LYPD1: variants seen among roughly 807,000 people sequenced by gnomAD.
LYPD1 encodes ly6/PLAUR domain-containing protein 1.
In LYPD1, 14 loss-of-function variants were observed where a neutral mutation model predicts 14.2. That is an observed-to-expected ratio of 0.99 (90% confidence interval 0.65 to 1.54). LYPD1 has a LOEUF of 1.54. Ranked by LOEUF, LYPD1 falls within the 40% of genes most tolerant of loss-of-function variation. LYPD1 has a pLI of 0.00. For missense variants in LYPD1, 165 were observed against 175.7 expected, an observed-to-expected ratio of 0.94 and a Z score of 0.34; for synonymous variants, 85 against 70.6, an observed-to-expected ratio of 1.20 and a Z score of -1.02.
upstream of LYPD1, chr2:132,671,259 T>G (rs1468763470): frequency 2.0e-5 from 3 of 152,468 alleles, no homozygotes; most frequent in Admixed American, 6.5e-5. Context: ...GGAGACCGCT[T>G]GCCCGCCGGA....
At chr2:132,649,096 T>A (rs753837083) in intron 2 of LYPD1, among the ~76,000 whole-genome samples, 2 of 152,130 alleles carry the variant, frequency 1.3e-5, no homozygotes, top group Non-Finnish European at 2.9e-5. Context: ...CTGGCTGGTG[T>A]CAGGGTATGG....
intron 2 of LYPD1, among the ~76,000 whole-genome samples, chr2:132,647,453 C>T (rs1030078364): frequency 3.3e-5 from 5 of 152,078 alleles, no homozygotes; most frequent in Admixed American, 6.5e-5. Flanking sequence ...TTTTTTGAGA[C>T]GGAGTCTTGC....
rs1683009775 is a variant in LYPD1, at chr2:132,662,497, G to A, written c.190+5903C>T. Reference sequence around the variant, plus strand: ...TAAAAAATAGGGGTTGAAGTGTTGAGTCCTTTTGCACAGTGTGCTAATAAA... The same window carrying A: ...TAAAAAATAGGGGTTGAAGTGTTGAATCCTTTTGCACAGTGTGCTAATAAA... On this transcript the variant is annotated intron_variant, in intron 2 of 2. Coordinates refer to ENST00000397463, the MANE Select transcript of LYPD1 (RefSeq NM_144586.7). Among the ~76,000 whole-genome samples, 4 of 145,354 alleles carry A rather than the reference G, an allele frequency of 2.8e-5. No homozygotes were observed. The South Asian group carries it at 8.7e-4, about 31-fold the overall frequency.
intron 2 of LYPD1, among the ~76,000 whole-genome samples, chr2:132,657,404 C>G (rs80132934): frequency 0.049 from 7,424 of 152,194 alleles, 556 homozygotes; most frequent in African/African-American, 0.16. Context: ...TGAAGCTGTG[C>G]TGTTGCATTT....
intron 2 of LYPD1, among the ~76,000 whole-genome samples, chr2:132,664,034 C>A (rs1286855061): frequency 2.0e-5 from 3 of 151,906 alleles, no homozygotes; most frequent in Admixed American, 1.3e-4. Flanking sequence ...TCCACACACA[C>A]AAATATATGA....
At chr2:132,666,410 C>T (rs900172591) in intron 2 of LYPD1, among the ~76,000 whole-genome samples, 5 of 152,178 alleles carry the variant, frequency 3.3e-5, no homozygotes, top group Non-Finnish European at 5.9e-5. Flanking sequence ...GACCTAGCAT[C>T]CTTCCCTTCA....
chr2:132,662,473 A>G lies in LYPD1; in HGVS notation c.190+5927T>C, dbSNP rs777549185. Reference sequence around the variant, plus strand: ...CCAATACACTTTCCATTGGACAAGTAAAAAATAGGGGTTGAAGTGTTGAGT... The same window carrying G: ...CCAATACACTTTCCATTGGACAAGTGAAAAATAGGGGTTGAAGTGTTGAGT... On this transcript the variant is annotated intron_variant, in intron 2 of 2. Transcript: ENST00000397463. Among the ~76,000 whole-genome samples, 110 of 152,244 alleles carry G rather than the reference A, an allele frequency of 7.2e-4. 1 individual carries two copies. The South Asian group carries it at 7.7e-3, about 11-fold the overall frequency.
chr2:132,667,544 C>A (rs931457922), intron 2 of LYPD1, among the ~76,000 whole-genome samples: 2 of 152,218 alleles, frequency 1.3e-5, no homozygotes, highest in African/African-American at 4.8e-5. Flanking sequence ...TTGGTTCATT[C>A]ACTATCAGCC....
chr2:132,654,571 T>A (rs1026555705), intron 2 of LYPD1, among the ~76,000 whole-genome samples: 2 of 152,154 alleles, frequency 1.3e-5, no homozygotes, highest in Non-Finnish European at 2.9e-5. Context: ...CCATCTGTGC[T>A]ATTAACTGCT....
rs1175152326 is a variant in LYPD1, at chr2:132,643,422, G to T, written c.*2623C>A. On this transcript the variant is annotated 3_prime_UTR_variant, in exon 3 of 3. Coordinates refer to ENST00000397463, the MANE Select transcript of LYPD1 (RefSeq NM_144586.7). The stretch of plus-strand genomic sequence containing the variant: ...TTGTGGAGGATTTGAACACAGCTAG[G>T]GTCCCCTCCAACAGCAGGCAAGGAA... Among the ~76,000 whole-genome samples, 3 of 152,146 alleles carry T rather than the reference G, an allele frequency of 2.0e-5. No homozygotes were observed. The highest frequency in any genetic ancestry group is 7.2e-5 in the African/African-American group (3 of 41,432).
intron 2 of LYPD1, among the ~76,000 whole-genome samples, chr2:132,661,941 G>GAA (rs72146038): frequency 0.018 from 2,525 of 142,372 alleles, 32 homozygotes; most frequent in Middle Eastern, 0.03. Flanking sequence ...CACCACAGCG[G>GAA]AAAAAAAAAA....
upstream of LYPD1, chr2:132,670,257 T>G: frequency 1.2e-5 from 5 of 406,912 alleles, no homozygotes; most frequent in Non-Finnish European, 1.9e-5. The surrounding 1 kb of genome is among the most constrained non-coding windows in gnomAD (Gnocchi z 4.5). Context: ...TCTCCCCACC[T>G]CCCACTCCAG....
chr2:132,670,475 T>C (rs1006701210), upstream of LYPD1, among the ~76,000 whole-genome samples: 2 of 152,072 alleles, frequency 1.3e-5, no homozygotes, highest in African/African-American at 4.8e-5. This position sits in a 1 kb window ranked among gnomAD's most constrained non-coding sequence, Gnocchi z 4.5. Context: ...GCAGGTGCCG[T>C]GGGGACCTGC....
intron 2 of LYPD1, among the ~76,000 whole-genome samples, chr2:132,663,696 A>G (rs1183011314): frequency 6.6e-6 from 1 of 152,188 alleles, no homozygotes; most frequent in Non-Finnish European, 1.5e-5. Flanking sequence ...TTGATTCAAA[A>G]TGGGGTTAAC....
chr2:132,670,409 A>G (rs1683628370), upstream of LYPD1, among the ~76,000 whole-genome samples: 1 of 151,770 alleles, frequency 6.6e-6, no homozygotes, highest in Admixed American at 6.5e-5. This position sits in a 1 kb window ranked among gnomAD's most constrained non-coding sequence, Gnocchi z 4.5. Context: ...GGGGGGCGGG[A>G]GAGAACTGGT....
intron 2 of LYPD1, among the ~76,000 whole-genome samples, chr2:132,655,703 A>G (rs1465013164): frequency 6.6e-6 from 1 of 151,642 alleles, no homozygotes; most frequent in Non-Finnish European, 1.5e-5. Flanking sequence ...TTTAGTAGAG[A>G]TGGGGTTTCA....
rs753477887 is a variant in LYPD1, at chr2:132,645,278, C to T, written c.*767G>A. 15 of 1,614,212 alleles carry T rather than the reference C, an allele frequency of 9.3e-6. No homozygotes were observed. The highest frequency in any genetic ancestry group is 2.7e-5 in the African/African-American group (2 of 75,054). ...TCGGTCATCAACCCGCTCCTGTACA[C>T]GGTGTCCTCGCAGCAGTTTCGGCGG... On this transcript the variant is annotated 3_prime_UTR_variant, in exon 3 of 3. Transcript: ENST00000397463.
chr2:132,656,346 A>G (rs1288002344), intron 2 of LYPD1, among the ~76,000 whole-genome samples: 1 of 152,222 alleles, frequency 6.6e-6, no homozygotes, highest in Non-Finnish European at 1.5e-5. Context: ...CTACTGGAAA[A>G]ATAACTAACA....
rs184607068 is a variant in LYPD1, at chr2:132,670,010, C to T, written c.-78G>A. ...GCAGCGGAGGCTGCCCCGGCTGCAGCGGCTGTGGCTGCCGAGGCTGCTGGG... is the reference window on the plus strand; with the variant it reads ...GCAGCGGAGGCTGCCCCGGCTGCAGTGGCTGTGGCTGCCGAGGCTGCTGGG... On this transcript the variant is annotated 5_prime_UTR_variant, in exon 1 of 3. Coordinates refer to ENST00000397463, the MANE Select transcript of LYPD1 (RefSeq NM_144586.7). The surrounding 1 kb of genome is among the most constrained non-coding windows in gnomAD (Gnocchi z 4.5). The T allele has an allele frequency of 4.9e-3, 7,683 of 1,578,874 alleles. 338 individuals carry two copies. The African/African-American group carries it at 0.091, about 19-fold the overall frequency.
Sources: allele counts gnomAD v4.1 joint callset (sites outside exome capture counted in the v4.1 genomes callset), GRCh38; gene constraint gnomAD v4.1.1; non-coding constraint Gnocchi (gnomAD v3.1); transcripts MANE v1.5; gene names NCBI Gene and HGNC (gene_info 2026-07-23, HGNC 2026-07-21).